The following ZNF518B variants were observed in gnomAD, a reference collection of about 807,000 sequenced individuals.
ZNF518B encodes zinc finger protein 518B.
In ZNF518B, 23 loss-of-function variants were observed where a neutral mutation model predicts 56.3. The ratio of observed to expected loss-of-function variants is 0.41; its 90% confidence interval spans 0.29 to 0.58. The LOEUF is 0.58. Ranked by LOEUF, ZNF518B falls within the 20% of genes least tolerant of loss-of-function variation. The probability of loss-of-function intolerance (pLI) is 0.32; values close to 1 mark genes in which losing one functional copy is unlikely to be tolerated. For missense variants in ZNF518B, 1,460 were observed against 1,272.1 expected, an observed-to-expected ratio of 1.15 and a Z score of -2.25; for synonymous variants, 529 against 465.9, an observed-to-expected ratio of 1.14 and a Z score of -1.74.
intron 2 of ZNF518B, among the ~76,000 whole-genome samples, chr4:10,450,338 C>T (rs1444750253): frequency 6.6e-6 from 1 of 152,178 alleles, no homozygotes; most frequent in African/African-American, 2.4e-5. Context: ...TACTACATTG[C>T]CACATCCCTC....
rs1714669777 is a variant in ZNF518B, at chr4:10,441,354, A to G, written c.*1750T>C. The G allele has an allele frequency of 6.6e-6, 1 of 152,534 alleles. No individual in the cohort carries two copies. The highest frequency in any genetic ancestry group is 6.5e-5 in the Admixed American group (1 of 15,268). The allele number at this position is 152,534 out of a possible 1,614,324, so 9.4% of individuals were successfully genotyped here. A position where few individuals can be genotyped will look rare whatever the true frequency, so the allele number is the denominator to read the frequency against. Reference sequence around the variant, plus strand: ...ACTTGATGATCATGTATTGAATTATACAAAAGAAATGTTGATTATCTGTAA... The same window carrying G: ...ACTTGATGATCATGTATTGAATTATGCAAAAGAAATGTTGATTATCTGTAA... On this transcript the variant is annotated 3_prime_UTR_variant, in exon 3 of 3. Coordinates refer to ENST00000326756, the MANE Select transcript of ZNF518B (RefSeq NM_053042.3).
intron 2 of ZNF518B, among the ~76,000 whole-genome samples, chr4:10,448,858 TAAATTTCC>T: frequency 6.6e-6 from 1 of 152,278 alleles, no homozygotes; most frequent in East Asian, 1.9e-4. Flanking sequence ...GGCACACACT[TAAATTTCC>T]AAATTTGCAG....
At position 10,439,993 on chromosome 4, in the gene ZNF518B, C is replaced by A. The variant is rs1714598748; in HGVS notation, c.*3111G>T. 1 of 152,590 alleles carries A rather than the reference C, an allele frequency of 6.6e-6. No homozygotes were observed. The highest frequency in any genetic ancestry group is 1.5e-5 in the Non-Finnish European group (1 of 68,042). 9.5% of individuals were successfully genotyped at this position (152,590 alleles called of 1,614,324 possible). On this transcript the variant is annotated 3_prime_UTR_variant, in exon 3 of 3. Coordinates refer to ENST00000326756, the MANE Select transcript of ZNF518B (RefSeq NM_053042.3). ...GCAGCAGACACACAAACTGTTAACA[C>A]AGGAATTACAATAATGCTTAAAACA...
chr4:10,447,755 T>C (rs1332272077), intron 2 of ZNF518B, among the ~76,000 whole-genome samples: 2 of 149,176 alleles, frequency 1.3e-5, no homozygotes, highest in Non-Finnish European at 3.0e-5. Context: ...GTTCAAGCAA[T>C]TCTCCTGCCT....
upstream of ZNF518B, among the ~76,000 whole-genome samples, chr4:10,461,077 G>T (rs1715728971): frequency 6.6e-6 from 1 of 152,272 alleles, no homozygotes; most frequent in African/African-American, 2.4e-5. Context: ...CTGGGGTGCA[G>T]GAGGTTAAGG....
chr4:10,446,211 C>T lies in ZNF518B; in HGVS notation c.118G>A (p.Ala40Thr), dbSNP rs375535655. ...NGAPRPNRQE[A>T]QTLLYQGSEA... is the part of the protein sequence containing the mutation. ...GAGCCTTGATACAAAAGGGTTTGTG[C>T]TTCTTGTCTATTTGGCCGAGGTGCT... Residue 40 changes from alanine (A) to threonine (T), a missense_variant, in exon 3 of 3, where the codon GCA becomes ACA. Transcript: ENST00000326756. The T allele has an allele frequency of 8.1e-6, 13 of 1,614,046 alleles. No homozygotes were observed. The highest frequency in any genetic ancestry group is 1.0e-5 in the Non-Finnish European group (12 of 1,180,046).
rs1714763111 is a variant in ZNF518B, at chr4:10,443,239, A to G, written c.3090T>C (p.Asp1030=). 3 of 1,614,120 alleles carry G rather than the reference A, an allele frequency of 1.9e-6. No individual in the cohort carries two copies. Among genetic ancestry groups the G allele is most frequent in the Admixed American group, 1.7e-5 (1 of 60,010 alleles). Reference sequence around the variant, plus strand: ...AGCACTTAAATACACACTGTGAAGAATCATCAGGCAAGGAATCCACTACCT... The same window carrying G: ...AGCACTTAAATACACACTGTGAAGAGTCATCAGGCAAGGAATCCACTACCT... ...NYQVVDSLPD[D]SSQCVFKCWF... The change falls in exon 3 of 3, where the codon GAT becomes GAC. Residue 1030 remains aspartate, a synonymous_variant. Transcript: ENST00000326756.
At chr4:10,457,796 C>T (rs569315496), upstream of ZNF518B, among the ~76,000 whole-genome samples, 1 of 152,336 alleles carries the variant, frequency 6.6e-6, no homozygotes, top group South Asian at 2.1e-4. Context: ...AGCTCAGGTC[C>T]TCAGCCTCCA....
In ZNF518B at chr4:10,440,832, G is replaced by A. The variant is rs935814590; in HGVS notation, c.*2272C>T. 1.3e-5 allele frequency: 2 copies of A among 152,082 alleles called. No homozygotes were observed. The highest frequency in any genetic ancestry group is 2.9e-5 in the Non-Finnish European group (2 of 68,000). 9.4% of individuals were successfully genotyped at this position (152,082 alleles called of 1,614,324 possible). ...TTTTCAGGAAAAAGCACTATGTGGT[G>A]AGGAATAGGAGATAAAAAAGTGGCA... On this transcript the variant is annotated 3_prime_UTR_variant, in exon 3 of 3. Transcript: ENST00000326756.
intron 2 of ZNF518B, among the ~76,000 whole-genome samples, chr4:10,447,848 C>T (rs916059184): frequency 1.6e-4 from 24 of 152,144 alleles, no homozygotes; most frequent in African/African-American, 5.5e-4. Flanking sequence ...AGGGTTTCTC[C>T]ATGTTGGCCA....
rs950343679 is a variant in ZNF518B, at chr4:10,446,505, T to C, written c.-177A>G. 2 of 572,808 alleles carry C rather than the reference T, an allele frequency of 3.5e-6. No homozygotes were observed. The highest frequency in any genetic ancestry group is 3.2e-5 in the Admixed American group (1 of 31,354). 35.5% of individuals were successfully genotyped at this position (572,808 alleles called of 1,614,324 possible). A position where few individuals can be genotyped will look rare whatever the true frequency, so the allele number is the denominator to read the frequency against. ...GCAGTAGGTGCATGATCCCAAAATATGACTGCTTTCAGCTCTCTGACATTC... is the reference window on the plus strand; with the variant it reads ...GCAGTAGGTGCATGATCCCAAAATACGACTGCTTTCAGCTCTCTGACATTC... On this transcript the variant is annotated 5_prime_UTR_variant, in exon 3 of 3. Transcript: ENST00000326756.
At chr4:10,460,319 A>C (rs1314458667), upstream of ZNF518B, among the ~76,000 whole-genome samples, 43 of 87,586 alleles carry the variant, frequency 4.9e-4, 2 homozygotes, top group East Asian at 8.9e-3. Flanking sequence ...AAAAAAAAAA[A>C]AAAACCAAAA....
chr4:10,455,358 G>A (rs892279965), intron 1 of ZNF518B, among the ~76,000 whole-genome samples: 4 of 152,174 alleles, frequency 2.6e-5, no homozygotes, highest in Non-Finnish European at 4.4e-5. Flanking sequence ...GCAGTAGACA[G>A]CAGGCAGTTT....
At chr4:10,456,349 C>G (rs905264765) in intron 1 of ZNF518B, among the ~76,000 whole-genome samples, 10 of 152,190 alleles carry the variant, frequency 6.6e-5, no homozygotes, top group Admixed American at 1.3e-4. Context: ...AAGAAACTTT[C>G]ATTCTTTTGA....
At position 10,443,983 on chromosome 4, in the gene ZNF518B, A is replaced by G. The variant is rs778672801; in HGVS notation, c.2346T>C (p.Asn782=). 6.2e-7 allele frequency: 1 copy of G among 1,614,232 alleles called. No individual in the cohort carries two copies. The highest frequency in any genetic ancestry group is 8.5e-7 in the Non-Finnish European group (1 of 1,180,036). ...CTATGATGTGGGCATTCTCAGAGGA[A>G]TTAAGAACCCTCAACACAGCCCCTT... The part of the protein sequence containing the change: ...IPKGAVLRVL[N]SSENAHIIEA... The change falls in exon 3 of 3, where the codon AAT becomes AAC. Residue 782 remains asparagine (N), a synonymous_variant. Transcript: ENST00000326756.
At chr4:10,458,899 A>G (rs1715653329), upstream of ZNF518B, among the ~76,000 whole-genome samples, 1 of 152,144 alleles carries the variant, frequency 6.6e-6, no homozygotes, top group Non-Finnish European at 1.5e-5. Flanking sequence ...ACATTAGAAA[A>G]TTGTCCTAAA....
chr4:10,460,325 C>CAAAAAAAAAAAAAAAAAAAAAAAAA (rs1043723933), upstream of ZNF518B, among the ~76,000 whole-genome samples: 13 of 57,600 alleles, frequency 2.3e-4, 5 homozygotes, highest in Middle Eastern at 0.013. Context: ...AAAAAAAAAC[C>CAAAAAAAAAAAAAAAAAAAAAAAAA]AAAAAAAAAA....
At chr4:10,460,409 G>A (rs1013730685), upstream of ZNF518B, among the ~76,000 whole-genome samples, 1 of 151,058 alleles carries the variant, frequency 6.6e-6, no homozygotes, top group African/African-American at 2.4e-5. Flanking sequence ...GACGAACAGG[G>A]TAAGGCTCAG....
Position 10,445,084 on chromosome 4 carries a change from G to A in ZNF518B, c.1245C>T (p.Leu415=), listed in dbSNP as rs147530501. The A allele has an allele frequency of 5.1e-5, 82 of 1,614,154 alleles. No homozygotes were observed. In the East Asian group the frequency reaches 1.4e-3, roughly 27 times the overall value. The change falls in exon 3 of 3, where the codon CTC becomes CTT. Residue 415 remains leucine (L), a synonymous_variant. Transcript: ENST00000326756. ...SLTVDGNVGK[L]VGIDSFQPSV... is the part of the protein sequence containing the mutation. ...AAGGTTGAAAACTATCAATGCCTAC[G>A]AGTTTTCCAACATTCCCGTCAACTG...
Sources: allele counts gnomAD v4.1 joint callset (sites outside exome capture counted in the v4.1 genomes callset), GRCh38; gene constraint gnomAD v4.1.1; transcripts MANE v1.5; gene names NCBI Gene and HGNC (gene_info 2026-07-23, HGNC 2026-07-21).